VPS8: variants seen among roughly 807,000 people sequenced by gnomAD.
VPS8 encodes the protein vacuolar protein sorting-associated protein 8 homolog.
Under a neutral mutation model 216.4 loss-of-function variants are expected in VPS8, and 129 were observed. That is an observed-to-expected ratio of 0.60 (90% CI 0.52 to 0.69). The LOEUF is 0.69. VPS8 is among the 30% of genes least tolerant of loss of function. The pLI is 0.00. For synonymous variants in VPS8, 571 were observed against 565.4 expected (o/e 1.01, Z -0.14); for missense variants, 1,531 against 1,683.5 (o/e 0.91, Z 1.59).
At chr3:185,044,693 T>C (rs1420461573) in intron 46 of VPS8, among the ~76,000 whole-genome samples, 4 of 152,186 alleles carry the variant, frequency 2.6e-5, no homozygotes, top group African/African-American at 9.7e-5. Context: ...TCTAGGGTCA[T>C]GACTACTACT....
At chr3:184,982,723 A>G in intron 41 of VPS8, 76 bp downstream of exon 41, 1 of 1,220,718 alleles carries the variant, frequency 8.2e-7, no homozygotes, top group Non-Finnish European at 1.2e-6. Flanking sequence ...AACTATCAGT[A>G]TAATATCTTT....
intron 16 of VPS8, among the ~76,000 whole-genome samples, chr3:184,864,382 G>C (rs1577964062): frequency 6.6e-6 from 1 of 152,126 alleles, no homozygotes; most frequent in Non-Finnish European, 1.5e-5. Flanking sequence ...AGACAAAATT[G>C]GGTTGAGTTT....
intron 1 of VPS8, among the ~76,000 whole-genome samples, chr3:184,823,464 G>T (rs1005972545): frequency 6.6e-6 from 1 of 152,208 alleles, no homozygotes; most frequent in Non-Finnish European, 1.5e-5. Context: ...TCACTGCAGG[G>T]CAAGGGTTGG....
intron 47 of VPS8, among the ~76,000 whole-genome samples, chr3:185,049,137 C>A (rs1239685337): frequency 6.6e-6 from 1 of 152,080 alleles, no homozygotes; most frequent in African/African-American, 2.4e-5. Context: ...GAATTTAGAC[C>A]CATGACCATA....
At chr3:184,829,883 TAGG>T (rs1460363948) in intron 3 of VPS8, among the ~76,000 whole-genome samples, 3 of 152,214 alleles carry the variant, frequency 2.0e-5, no homozygotes, top group African/African-American at 7.2e-5. Context: ...AAGTGATTTA[TAGG>T]AGTTCTTTAT....
chr3:184,857,820 T>C (rs1022292245), intron 14 of VPS8, among the ~76,000 whole-genome samples: 2 of 152,154 alleles, frequency 1.3e-5, no homozygotes, highest in African/African-American at 4.8e-5. Flanking sequence ...CTCGGGAAAC[T>C]GAGAAAGAGT....
intron 45 of VPS8, among the ~76,000 whole-genome samples, chr3:185,003,852 G>A (rs1194426540): frequency 6.6e-6 from 1 of 151,812 alleles, no homozygotes; most frequent in African/African-American, 2.4e-5. Flanking sequence ...CGGGGCGGCC[G>A]GGCAGAGACG....
intron 36 of VPS8, among the ~76,000 whole-genome samples, chr3:184,951,508 A>G (rs1744699160): frequency 6.6e-6 from 1 of 151,890 alleles, no homozygotes; most frequent in Non-Finnish European, 1.5e-5. Flanking sequence ...AATTTGATGT[A>G]TGTTTTTCAA....
chr3:184,822,423 TG>T (rs1427240036), intron 1 of VPS8, among the ~76,000 whole-genome samples: 1 of 152,212 alleles, frequency 6.6e-6, no homozygotes, highest in African/African-American at 2.4e-5. Flanking sequence ...TACATGGTCT[TG>T]GAACCTCTTA....
intron 2 of VPS8, 83 bp downstream of exon 2, chr3:184,824,868 TGTCA>T (rs1374462532): frequency 7.4e-7 from 1 of 1,351,974 alleles, no homozygotes; most frequent in Non-Finnish European, 1.0e-6. Flanking sequence ...ACTCTAAGTC[TGTCA>T]TTTTTGCATG....
intron 7 of VPS8, among the ~76,000 whole-genome samples, chr3:184,842,426 G>A (rs1722364738): frequency 6.6e-6 from 1 of 151,130 alleles, no homozygotes. Context: ...ACAGTCTCAT[G>A]GAAAAGAAAG....
intron 46 of VPS8, among the ~76,000 whole-genome samples, chr3:185,029,212 T>C (rs756363355): frequency 1.3e-5 from 2 of 152,224 alleles, no homozygotes; most frequent in African/African-American, 4.8e-5. Context: ...TGAGCTACAG[T>C]CTCTCTTCCC....
intron 29 of VPS8, among the ~76,000 whole-genome samples, chr3:184,922,089 A>G (rs1738737965): frequency 6.6e-6 from 1 of 150,592 alleles, no homozygotes; most frequent in African/African-American, 2.4e-5. Flanking sequence ...AATTCACTAG[A>G]CTCTCTGTGG....
chr3:184,854,381 G>A (rs1244329257), intron 13 of VPS8, among the ~76,000 whole-genome samples: 1 of 152,176 alleles, frequency 6.6e-6, no homozygotes, highest in Non-Finnish European at 1.5e-5. Flanking sequence ...GGGATCATGA[G>A]TCTTGTACTT....
chr3:185,048,792 G>T (rs931001367), intron 47 of VPS8, among the ~76,000 whole-genome samples: 3 of 152,106 alleles, frequency 2.0e-5, no homozygotes, highest in Non-Finnish European at 4.4e-5. Flanking sequence ...GAGCTGTGAG[G>T]ACACAGAAGG....
Position 184,894,842 on chromosome 3 carries a change from G to A in VPS8, c.1921G>A (p.Val641Ile). 3 of 1,610,422 alleles carry A rather than the reference G, an allele frequency of 1.9e-6. No individual in the cohort carries two copies. Among genetic ancestry groups the A allele is most frequent in the Non-Finnish European group, 2.5e-6 (3 of 1,178,178 alleles). ...ACCCCAAGTAATGAAAGACTTGATT[G>A]TTCATTTCCAAGATAAAAAATTAAT... ...ITPQVMKDLI[V>I]HFQDKKLMEN... Residue 641 changes from valine (V) to isoleucine (I), a missense_variant, in exon 23 of 48, where the codon GTT (valine) becomes ATT (isoleucine). Physicochemically the swap from Val to Ile is conservative, Grantham distance 29. Around this residue, in one of 3 missense-constraint regions of VPS8, gnomAD observed 1,318 missense variants for 1,468.4 expected, o/e 0.90. Transcript: ENST00000625842.
rs540204558 is a variant in VPS8 at position 185,048,775 on chromosome 3, G to A, written c.4137+216G>A. 1.2e-4 allele frequency among the ~76,000 whole-genome samples: 18 copies of A among 152,136 alleles called. No individual in the cohort carries two copies. The East Asian group carries it at 2.9e-3, about 25-fold the overall frequency. Reference sequence around the variant, plus strand: ...AAGTAGAAAGCTGTCTGTCCCCTACGTACCATGAGCTGTGAGGACACAGAA... The same window carrying A: ...AAGTAGAAAGCTGTCTGTCCCCTACATACCATGAGCTGTGAGGACACAGAA... On this transcript the variant is annotated intron_variant, in intron 47 of 47. Transcript: ENST00000625842.
At chr3:184,969,837 G>A (rs1366470543) in intron 39 of VPS8, among the ~76,000 whole-genome samples, 2 of 146,234 alleles carry the variant, frequency 1.4e-5, no homozygotes, top group African/African-American at 5.1e-5. Flanking sequence ...AAAGGCCAGT[G>A]TTTTGAATTC....
chr3:184,856,038 C>T (rs1725191562), intron 14 of VPS8, among the ~76,000 whole-genome samples: 1 of 152,160 alleles, frequency 6.6e-6, no homozygotes, highest in South Asian at 2.1e-4. Flanking sequence ...ATTTCTTTGA[C>T]TGACAAATAA....
Sources: allele counts gnomAD v4.1 joint callset (sites outside exome capture counted in the v4.1 genomes callset), GRCh38; gene constraint gnomAD v4.1.1; regional missense constraint gnomAD v4.1.1; transcripts MANE v1.5; gene names NCBI Gene and HGNC (gene_info 2026-07-23, HGNC 2026-07-21).